The following EPHA5 variants were observed in gnomAD, a reference collection of about 807,000 sequenced individuals.
EPHA5 encodes the protein EPH receptor A5.
Under a neutral mutation model 105.0 loss-of-function variants are expected in EPHA5, and 60 were observed. The ratio of observed to expected loss-of-function variants is 0.57; its 90% CI spans 0.46 to 0.71. EPHA5 has a LOEUF of 0.71. EPHA5 is among the 30% of genes least tolerant of loss of function. The pLI, the probability that EPHA5 is intolerant of heterozygous loss-of-function variation, is 0.00. For synonymous variants in EPHA5, 513 were observed against 449.1 expected, an observed-to-expected ratio of 1.14 and a Z score of -1.80; for missense variants, 1,218 against 1,274.7, an observed-to-expected ratio of 0.96 and a Z score of 0.68.
At chr4:65,374,246 C>A (rs1718770910) in intron 8 of EPHA5, among the ~76,000 whole-genome samples, 1 of 151,856 alleles carries the variant, frequency 6.6e-6, no homozygotes, top group African/African-American at 2.4e-5. Flanking sequence ...GTCTGAGTTT[C>A]ATTCAGAAAT....
intron 2 of EPHA5, among the ~76,000 whole-genome samples, chr4:65,625,404 C>T (rs1201157313): frequency 6.6e-6 from 1 of 152,078 alleles, no homozygotes; most frequent in Non-Finnish European, 1.5e-5. Flanking sequence ...TACATATGCA[C>T]CTCTTTTCAC....
rs571404842 is a variant in EPHA5, at chr4:65,573,491, T to C, written c.910+28150A>G. The C allele has an allele frequency of 1.7e-4, 266 of 1,550,222 alleles. 2 individuals carry two copies. The South Asian group carries it at 2.8e-3, about 16-fold the overall frequency. On this transcript the variant is annotated intron_variant, in intron 3 of 16. Transcript: ENST00000613740. The stretch of plus-strand genomic sequence containing the variant: ...GTGAAAAAGTTTAGAAGCCAGATAC[T>C]AAAGAGAAGAAACCCGAAGCCAAGA...
At chr4:65,335,666 A>G (rs902450948) in intron 15 of EPHA5, among the ~76,000 whole-genome samples, 2 of 149,690 alleles carry the variant, frequency 1.3e-5, no homozygotes, top group Non-Finnish European at 3.0e-5. Context: ...ATTTTTTTTT[A>G]TGCTACCTGA....
chr4:65,580,883 G>A (rs908333715), intron 3 of EPHA5, among the ~76,000 whole-genome samples: 1 of 151,200 alleles, frequency 6.6e-6, no homozygotes, highest in Non-Finnish European at 1.5e-5. Context: ...TAAAAGACTA[G>A]CAATGGGATT....
In EPHA5 at chr4:65,657,190, T is replaced by C. The variant is rs550149391; in HGVS notation, c.181+12372A>G. ...TTCATAAAATAAGTGACAGTCAAAA[T>C]AATCCAAGAAATCTATAACAAATGA... On this transcript the variant is annotated intron_variant, in intron 1 of 16. Coordinates refer to ENST00000613740, the MANE Select transcript of EPHA5 (RefSeq NM_001281766.3). 3.3e-5 allele frequency among the ~76,000 whole-genome samples: 5 copies of C among 152,288 alleles called. No individual in the cohort carries two copies. In the South Asian group the frequency reaches 1.0e-3, roughly 32 times the overall value.
intron 5 of EPHA5, among the ~76,000 whole-genome samples, chr4:65,421,245 G>C (rs750518597): frequency 2.6e-5 from 4 of 152,076 alleles, no homozygotes; most frequent in Non-Finnish European, 4.4e-5. Flanking sequence ...GCTCTTTCGG[G>C]TATGTCTGGA....
At chr4:65,636,397 A>G (rs941229440) in intron 2 of EPHA5, among the ~76,000 whole-genome samples, 1 of 152,094 alleles carries the variant, frequency 6.6e-6, no homozygotes, top group African/African-American at 2.4e-5. Context: ...AAACCTAACC[A>G]TTTAGAGTAG....
rs1447906759 is a variant in EPHA5 at position 65,518,937 on chromosome 4, AAG to A, written c.911-23396_911-23395del. On this transcript the variant is annotated intron_variant, in intron 3 of 16. Coordinates refer to ENST00000613740, the MANE Select transcript of EPHA5 (RefSeq NM_001281766.3). ...CTGAAACTATTCCAACCAATAGAAAAAGAGGGAATCCTCCCTAACTCATTTTA... is the reference window on the plus strand; with the variant it reads ...CTGAAACTATTCCAACCAATAGAAAAAGGGAATCCTCCCTAACTCATTTTA... Among the ~76,000 whole-genome samples, 4 of 152,222 alleles carry A rather than the reference AAG, an allele frequency of 2.6e-5. No individual in the cohort carries two copies. The South Asian group carries it at 6.2e-4, about 24-fold the overall frequency.
rs1486894578 is a variant in EPHA5 at position 65,601,756 on chromosome 4, A to G, written c.795T>C (p.His265=). 1 of 1,614,026 alleles carries G rather than the reference A, an allele frequency of 6.2e-7. No homozygotes were observed. Among genetic ancestry groups the G allele is most frequent in the Admixed American group, 1.7e-5 (1 of 59,992 alleles). The change falls in exon 3 of 17, where the codon CAT becomes CAC. Residue 265 remains histidine, a synonymous_variant. Transcript: ENST00000613740. ...LLEVSGSCVN[H]SVTDEPPKMH... ...TTTTGGGAGGTTCATCGGTCACAGA[A>G]TGGTTGACACAGGAGCCTGACACTT...
In EPHA5 at chr4:65,345,778, C is replaced by CT. The variant is rs36012642; in HGVS notation, c.2595+2275dup. On this transcript the variant is annotated intron_variant, in intron 14 of 16. Coordinates refer to ENST00000613740, the MANE Select transcript of EPHA5 (RefSeq NM_001281766.3). Reference sequence around the variant, plus strand: ...ATGCCTCTTCTTTTTCTTTTCTTTTCTTTTTTTTTCTTGAGACAGAGTCTC... The same window carrying CT: ...ATGCCTCTTCTTTTTCTTTTCTTTTCTTTTTTTTTTCTTGAGACAGAGTCTC... Among the ~76,000 whole-genome samples, 104 of 151,010 alleles carry CT rather than the reference C, an allele frequency of 6.9e-4. 2 individuals are homozygous for CT. Among genetic ancestry groups the CT allele is most frequent in the African/African-American group, 2.3e-3 (95 of 41,256 alleles).
chr4:65,613,130 G>A (rs1744924708), intron 2 of EPHA5, among the ~76,000 whole-genome samples: 1 of 151,934 alleles, frequency 6.6e-6, no homozygotes, highest in African/African-American at 2.4e-5. Flanking sequence ...ATTGAATAGG[G>A]TGTCCTAATC....
chr4:65,336,760 C>A (rs1361816774), intron 14 of EPHA5, among the ~76,000 whole-genome samples: 1 of 152,052 alleles, frequency 6.6e-6, no homozygotes, highest in African/African-American at 2.4e-5. Flanking sequence ...AATGTAACCA[C>A]ACATATGAGT....
intron 3 of EPHA5, among the ~76,000 whole-genome samples, chr4:65,544,062 T>C (rs1371660678): frequency 2.0e-5 from 3 of 151,980 alleles, no homozygotes; most frequent in Non-Finnish European, 4.4e-5. Context: ...ACACACCTTA[T>C]ACAAAAGTTA....
chr4:65,668,400 A>T (rs1009941316), intron 1 of EPHA5, among the ~76,000 whole-genome samples: 1 of 152,064 alleles, frequency 6.6e-6, no homozygotes, highest in Non-Finnish European at 1.5e-5. Context: ...CACAGCCCCA[A>T]ACCGAAACCT....
At chr4:65,598,934 AC>A (rs1743441089) in intron 3 of EPHA5, among the ~76,000 whole-genome samples, 1 of 152,092 alleles carries the variant, frequency 6.6e-6, no homozygotes, top group Admixed American at 6.6e-5. Flanking sequence ...CTTAAAGGAA[AC>A]CACTGAAGTG....
At chr4:65,327,798 CTG>C (rs1464480675) in intron 16 of EPHA5, among the ~76,000 whole-genome samples, 6 of 151,086 alleles carry the variant, frequency 4.0e-5, no homozygotes, top group Non-Finnish European at 7.4e-5. Context: ...GGTTAAATAA[CTG>C]TTCAAATATT....
intron 8 of EPHA5, among the ~76,000 whole-genome samples, chr4:65,395,196 T>C (rs1721094900): frequency 6.6e-6 from 1 of 152,214 alleles, no homozygotes; most frequent in Non-Finnish European, 1.5e-5. Flanking sequence ...TGAAAAGTTA[T>C]CATGAAGGGA....
intron 15 of EPHA5, among the ~76,000 whole-genome samples, chr4:65,334,545 G>A (rs1324586785): frequency 2.0e-5 from 3 of 151,884 alleles, no homozygotes; most frequent in African/African-American, 7.3e-5. Flanking sequence ...ATCAACTCTT[G>A]TGACATAGGT....
chr4:65,490,553 C>T lies in EPHA5; in HGVS notation c.1226G>A (p.Gly409Asp), dbSNP rs201779427. 6.3e-5 allele frequency: 101 copies of T among 1,614,110 alleles called. No individual in the cohort carries two copies. Among genetic ancestry groups the T allele is most frequent in the Admixed American group, 1.8e-4 (11 of 60,010 alleles). Reference protein sequence around the residue: ...NSHAGVCEECGGHVRYLPRQS... With the variant: ...NSHAGVCEECDGHVRYLPRQS... Reference sequence around the variant, plus strand: ...CCGGGGAAGGTACCTGACATGACCGCCACACTCCTCACACACACCTGCATG... The same window carrying T: ...CCGGGGAAGGTACCTGACATGACCGTCACACTCCTCACACACACCTGCATG... Residue 409 changes from glycine (G) to aspartate (D), a missense_variant, in exon 5 of 17, where the codon GGC becomes GAC. Physicochemically the swap from Gly to Asp is moderately conservative, Grantham distance 94 (BLOSUM62 -1). Transcript: ENST00000613740.
Sources: gnomAD v4.1 joint callset for allele counts (sites outside exome capture counted in the v4.1 genomes callset) on GRCh38, gnomAD v4.1.1 for gene constraint, MANE v1.5 for transcripts, NCBI Gene and HGNC (gene_info 2026-07-23, HGNC 2026-07-21) for gene names.